The following LMO7 variants were observed in gnomAD, a reference collection of about 807,000 sequenced individuals.
LMO7 encodes the protein LIM domain 7.
A neutral mutation model predicts 206.5 loss-of-function variants in LMO7; 120 were observed. That is an observed-to-expected ratio of 0.58 (90% confidence interval 0.50 to 0.68). The LOEUF is 0.68. Among genes scored for constraint, LMO7 ranks in the 30% least tolerant of loss-of-function variants. The pLI is 0.00. For synonymous variants in LMO7, 706 were observed against 681.5 expected, an observed-to-expected ratio of 1.04 and a Z score of -0.56; for missense variants, 1,959 against 1,957.9, an observed-to-expected ratio of 1.00 and a Z score of -0.01.
intron 1 of LMO7, 58 bp downstream of exon 1, chr13:75,636,784 C>G (rs981017546): frequency 6.7e-7 from 1 of 1,500,634 alleles, no homozygotes; most frequent in Admixed American, 1.9e-5. Flanking sequence ...GGGCGGTCGT[C>G]GCGAGGTGAC....
At chr13:75,751,149 CTTTTTTT>C (rs57976279) in intron 3 of LMO7, among the ~76,000 whole-genome samples, 5 of 60,422 alleles carry the variant, frequency 8.3e-5, no homozygotes, top group South Asian at 1.7e-3. Context: ...TTTTTCAGCT[CTTTTTTT>C]TTTTTTTTTT....
chr13:75,645,498 G>A (rs543923800), intron 1 of LMO7, among the ~76,000 whole-genome samples: 26 of 152,250 alleles, frequency 1.7e-4, no homozygotes, highest in African/African-American at 6.0e-4. Context: ...GTATGACAGA[G>A]CGAGACCCTA....
rs529922696 is a variant in LMO7 at position 75,732,413 on chromosome 13, G to A, written c.210+5315G>A. 8.4e-4 allele frequency among the ~76,000 whole-genome samples: 128 copies of A among 152,008 alleles called. 1 individual carries two copies. The highest frequency in any genetic ancestry group is 1.9e-3 in the South Asian group (9 of 4,810). The stretch of plus-strand genomic sequence containing the variant: ...CTGATACCCTTTCTTCCAGTTGATC[G>A]CATCAGCTCCTGAGGCTTCTGCGTT... On this transcript the variant is annotated intron_variant, in intron 3 of 30. Coordinates refer to ENST00000377534, the MANE Select transcript of LMO7 (RefSeq NM_001306080.2).
At chr13:75,760,231 T>A in intron 3 of LMO7, 1 of 348,410 alleles carries the variant, frequency 2.9e-6, no homozygotes, top group Non-Finnish European at 4.0e-6. Context: ...GGTTTTGAAA[T>A]TAGATATGAG....
chr13:75,773,420 T>C (rs956412131), intron 4 of LMO7, among the ~76,000 whole-genome samples: 1 of 152,026 alleles, frequency 6.6e-6, no homozygotes, highest in Admixed American at 6.6e-5. Context: ...CTTAGAAAGA[T>C]AGAGTAATGA....
intron 1 of LMO7, among the ~76,000 whole-genome samples, chr13:75,676,372 A>G (rs946409369): frequency 2.6e-5 from 4 of 152,282 alleles, no homozygotes; most frequent in African/African-American, 9.6e-5. Flanking sequence ...GATTTTTCAA[A>G]GCTCGCCCTT....
At chr13:75,818,199 A>G (rs1247057263) in intron 12 of LMO7, among the ~76,000 whole-genome samples, 4 of 152,192 alleles carry the variant, frequency 2.6e-5, no homozygotes, top group Non-Finnish European at 5.9e-5. Flanking sequence ...GTGTGAAAGT[A>G]AGTATTACGG....
intron 1 of LMO7, among the ~76,000 whole-genome samples, chr13:75,661,633 G>A (rs1444663394): frequency 1.3e-5 from 2 of 152,200 alleles, no homozygotes; most frequent in East Asian, 3.8e-4. Context: ...TCCAGTTCCC[G>A]TTCCTCATGT....
chr13:75,724,933 AT>A (rs1789687496), intron 2 of LMO7, among the ~76,000 whole-genome samples: 1 of 152,044 alleles, frequency 6.6e-6, no homozygotes, highest in African/African-American at 2.4e-5. Context: ...GTGTTTGCAC[AT>A]GTACTTGAAG....
chr13:75,658,100 T>C lies in LMO7; in HGVS notation c.69+21374T>C, dbSNP rs959385935. Among the ~76,000 whole-genome samples the C allele has an allele frequency of 2.0e-5, 3 of 152,158 alleles. No homozygotes were observed. The South Asian group carries it at 6.2e-4, about 32-fold the overall frequency. On this transcript the variant is annotated intron_variant, in intron 1 of 30. Coordinates refer to ENST00000377534, the MANE Select transcript of LMO7 (RefSeq NM_001306080.2). ...CTTCAGTTTTCCTAGCACCATATAT[T>C]GAATAATCTATTCCTTCCGTCCTTG...
intron 4 of LMO7, among the ~76,000 whole-genome samples, chr13:75,789,244 T>A (rs2052904683): frequency 6.6e-6 from 1 of 152,174 alleles, no homozygotes; most frequent in Non-Finnish European, 1.5e-5. Flanking sequence ...TAACTGTATT[T>A]GATCTTAAAC....
At chr13:75,832,795 GA>G (rs2058783834) in intron 15 of LMO7, among the ~76,000 whole-genome samples, 1 of 152,108 alleles carries the variant, frequency 6.6e-6, no homozygotes, top group Admixed American at 6.6e-5. Flanking sequence ...ACGGCCAACT[GA>G]ATTAAAGTAT....
At chr13:75,778,729 CT>C (rs1195436332) in intron 4 of LMO7, among the ~76,000 whole-genome samples, 4 of 152,156 alleles carry the variant, frequency 2.6e-5, no homozygotes, top group Non-Finnish European at 4.4e-5. Context: ...TTCAACTGAA[CT>C]TTTTTTCAGG....
chr13:75,729,203 TA>T (rs1166847851), intron 3 of LMO7, among the ~76,000 whole-genome samples: 1 of 145,282 alleles, frequency 6.9e-6, no homozygotes, highest in Non-Finnish European at 1.5e-5. Context: ...ATTGAATCTA[TA>T]AATTACCTTG....
chr13:75,675,881 C>T (rs1020111050), intron 1 of LMO7, among the ~76,000 whole-genome samples: 6 of 119,524 alleles, frequency 5.0e-5, no homozygotes, highest in Non-Finnish European at 7.2e-5. Context: ...AACGCGTGCA[C>T]GAGCGTGCAC....
chr13:75,764,566 G>A (rs990174374), intron 4 of LMO7, among the ~76,000 whole-genome samples: 4 of 152,168 alleles, frequency 2.6e-5, no homozygotes, highest in Non-Finnish European at 5.9e-5. Context: ...TAGAGGTCCT[G>A]TATTGGAGAA....
chr13:75,623,115 A>T (rs147665302), intron 1 of LMO7, among the ~76,000 whole-genome samples: 11 of 152,308 alleles, frequency 7.2e-5, no homozygotes, highest in Middle Eastern at 3.4e-3. Context: ...TCTTTTGGGG[A>T]CCAGCATTTA....
At chr13:75,796,858 C>A in intron 6 of LMO7, 109 bp downstream of exon 6, 1 of 693,572 alleles carries the variant, frequency 1.4e-6, no homozygotes, top group South Asian at 1.8e-5. Flanking sequence ...AATATGGCAA[C>A]TCCGACTCTC....
intron 4 of LMO7, among the ~76,000 whole-genome samples, chr13:75,781,174 T>C (rs1406811375): frequency 2.7e-5 from 4 of 147,640 alleles, no homozygotes; most frequent in African/African-American, 7.5e-5. Context: ...ATGTGCACAT[T>C]GTGCAGGTTA....
Sources: gnomAD v4.1 joint callset for allele counts (sites outside exome capture counted in the v4.1 genomes callset) on GRCh38, gnomAD v4.1.1 for gene constraint, MANE v1.5 for transcripts, NCBI Gene and HGNC (gene_info 2026-07-23, HGNC 2026-07-21) for gene names.